Variants in CD48 observed in about 807,000 individuals in gnomAD.
The protein encoded by CD48 is CD48 antigen.
CD48 carries 20 observed loss-of-function variants against 22.0 expected under a neutral mutation model. That is an observed-to-expected ratio of 0.91 (90% CI 0.64 to 1.32). The LOEUF is 1.32. Ranked by LOEUF, CD48 falls within the 40% of genes most tolerant of loss-of-function variation. CD48 has a pLI of 0.00. For missense variants in CD48, 307 were observed against 286.5 expected (o/e 1.07, Z -0.52); for synonymous variants, 110 against 110.1 (o/e 1.00, Z 0.01).
chr1:160,679,098 C>G lies in CD48; in HGVS notation c.686G>C (p.Trp229Ser), dbSNP rs1056901858. 4 of 1,614,144 alleles carry G rather than the reference C, an allele frequency of 2.5e-6. No homozygotes were observed. Among genetic ancestry groups the G allele is most frequent in the East Asian group, 2.2e-5 (1 of 44,884 alleles). Residue 229 changes from tryptophan to serine, a missense_variant, in exon 4 of 4, where the codon TGG becomes TCG. Coordinates refer to ENST00000368046, the MANE Select transcript of CD48 (RefSeq NM_001778.4). ...AATGGTGGGCACCGTGACCACTAGC[C>G]AACTTGCAATCCATTCTACTCCAAA... is the stretch of plus-strand genomic sequence containing the variant. ...RSFGVEWIAS[W>S]LVVTVPTILG...
At chr1:160,684,859 G>C in intron 2 of CD48, 28 bp downstream of exon 2, 1 of 1,614,056 alleles carries the variant, frequency 6.2e-7, no homozygotes, top group Non-Finnish European at 8.5e-7. Flanking sequence ...CTGGAGTGGG[G>C]ATTTGCTCTT....
At chr1:160,683,602 T>A (rs538701574) in intron 2 of CD48, 1 of 152,132 alleles carries the variant, frequency 6.6e-6, no homozygotes, top group East Asian at 1.9e-4. Flanking sequence ...TTCCCAGGAC[T>A]TTCTGAATTT....
intron 1 of CD48, among the ~76,000 whole-genome samples, chr1:160,708,778 A>G (rs1021458095): frequency 5.9e-5 from 9 of 152,134 alleles, no homozygotes; most frequent in African/African-American, 2.2e-4. Flanking sequence ...TCATCAAATG[A>G]TGGACTTTGT....
chr1:160,704,781 T>C (rs1503847), intron 1 of CD48, among the ~76,000 whole-genome samples: 7,037 of 152,276 alleles, frequency 0.046, 212 homozygotes, highest in East Asian at 0.15. Flanking sequence ...AGTTTTGTTC[T>C]TTTATTATTT....
Position 160,711,678 on chromosome 1 carries a change from G to T in CD48, c.82+4C>A. 4.4e-6 allele frequency: 7 copies of T among 1,608,072 alleles called. No individual in the cohort carries two copies. Among genetic ancestry groups the T allele is most frequent in the Non-Finnish European group, 6.0e-6 (7 of 1,174,536 alleles). ...ATCACAGATACACAGTTGGTGGAAA[G>T]TACCTTGAATGCTGGTCACCAGGAG... On this transcript the variant is annotated splice_donor_region_variant and intron_variant, in intron 1 of 3. Coordinates refer to ENST00000368046, the MANE Select transcript of CD48 (RefSeq NM_001778.4).
intron 1 of CD48, among the ~76,000 whole-genome samples, chr1:160,700,653 G>T (rs567506458): frequency 6.6e-6 from 1 of 152,048 alleles, no homozygotes; most frequent in African/African-American, 2.4e-5. Flanking sequence ...AAATCCTGGC[G>T]CTGTGGAGAT....
chr1:160,680,735 G>A (rs763577989), intron 3 of CD48: 21 of 1,029,184 alleles, frequency 2.0e-5, no homozygotes, highest in Middle Eastern at 4.7e-4. Flanking sequence ...TCTCAGGCCC[G>A]TCTCCTCAGT....
intron 1 of CD48, among the ~76,000 whole-genome samples, chr1:160,687,676 A>G (rs1041153820): frequency 6.6e-6 from 1 of 152,158 alleles, no homozygotes; most frequent in African/African-American, 2.4e-5. Context: ...AGGCTTGTTC[A>G]TTCTCTTGAT....
At chr1:160,701,969 G>A (rs879507997) in intron 1 of CD48, among the ~76,000 whole-genome samples, 2 of 152,132 alleles carry the variant, frequency 1.3e-5, no homozygotes, top group East Asian at 1.9e-4. Flanking sequence ...TTTCACCGCC[G>A]GAGCCTATCC....
chr1:160,704,300 C>A (rs1183100256), intron 1 of CD48, among the ~76,000 whole-genome samples: 1 of 152,216 alleles, frequency 6.6e-6, no homozygotes, highest in East Asian at 1.9e-4. Flanking sequence ...ACATCCCCTT[C>A]ATCACATTTC....
chr1:160,699,588 C>T (rs1401763906), intron 1 of CD48: 2 of 152,172 alleles, frequency 1.3e-5, no homozygotes, highest in African/African-American at 2.4e-5. Flanking sequence ...GTATAAAACC[C>T]GATTGAACAT....
intron 2 of CD48, 62 bp from the exon 3 acceptor site, chr1:160,681,530 C>A (rs1661804045): frequency 7.0e-6 from 11 of 1,578,126 alleles, no homozygotes; most frequent in Non-Finnish European, 8.6e-6. Flanking sequence ...GAAGGTTTAG[C>A]CAACAAAGAA....
chr1:160,692,057 A>T (rs1394468529), intron 1 of CD48: 2 of 166,874 alleles, frequency 1.2e-5, no homozygotes, highest in African/African-American at 4.8e-5. Flanking sequence ...GGAAATTTAG[A>T]TCTAGAAGAT....
intron 1 of CD48, among the ~76,000 whole-genome samples, chr1:160,699,967 C>T (rs371499800): frequency 2.2e-4 from 34 of 152,206 alleles, no homozygotes; most frequent in African/African-American, 7.5e-4. Flanking sequence ...GTCTCTCGTT[C>T]CACCTTATGA....
intron 1 of CD48, among the ~76,000 whole-genome samples, chr1:160,694,447 C>T (rs901068431): frequency 1.6e-4 from 24 of 151,300 alleles, no homozygotes; most frequent in Admixed American, 7.9e-4. Context: ...CAGGACTTGT[C>T]GGCATAGTCA....
At chr1:160,706,197 C>T (rs1662789512) in intron 1 of CD48, among the ~76,000 whole-genome samples, 1 of 152,146 alleles carries the variant, frequency 6.6e-6, no homozygotes, top group African/African-American at 2.4e-5. Flanking sequence ...GCCTCAGCCT[C>T]CCAAGTAGCT....
At chr1:160,697,798 A>AATT in intron 1 of CD48, among the ~76,000 whole-genome samples, 1 of 151,454 alleles carries the variant, frequency 6.6e-6, no homozygotes, top group Non-Finnish European at 1.5e-5. Context: ...GGGCACCTCG[A>AATT]GGTCAATTCT....
intron 3 of CD48, chr1:160,680,426 G>A (rs768679749): frequency 7.0e-5 from 17 of 241,588 alleles, no homozygotes; most frequent in Non-Finnish European, 1.0e-4. Flanking sequence ...CACGAGATAG[G>A]AACTGTTATT....
At chr1:160,707,818 C>A (rs780354942) in intron 1 of CD48, among the ~76,000 whole-genome samples, 9 of 152,144 alleles carry the variant, frequency 5.9e-5, no homozygotes, top group Non-Finnish European at 1.0e-4. Flanking sequence ...TTTGCTCCCT[C>A]CCTCCATCCA....
Sources: allele counts gnomAD v4.1 joint callset (sites outside exome capture counted in the v4.1 genomes callset), GRCh38; gene constraint gnomAD v4.1.1; transcripts MANE v1.5; gene names NCBI Gene and HGNC (gene_info 2026-07-23, HGNC 2026-07-21).